MEI1: variants seen among roughly 807,000 people sequenced by gnomAD.
MEI1 encodes meiosis inhibitor protein 1.
MEI1 carries 103 observed loss-of-function variants against 146.2 expected under a neutral mutation model. The observed-to-expected ratio is 0.70, with a 90% CI of 0.60 to 0.83. The LOEUF (loss-of-function observed/expected upper bound fraction) is 0.83. Among genes scored for constraint, MEI1 ranks in the 40% least tolerant of loss-of-function variants. The probability of loss-of-function intolerance (pLI) is 0.00; values close to 1 mark genes in which losing one functional copy is unlikely to be tolerated. For synonymous variants in MEI1, 652 were observed against 628.2 expected (o/e 1.04, Z -0.57); for missense variants, 1,529 against 1,533.0 (o/e 1.00, Z 0.04).
chr22:41,703,007 C>T (rs752703100), intron 1 of MEI1, among the ~76,000 whole-genome samples: 12 of 152,160 alleles, frequency 7.9e-5, no homozygotes, highest in Non-Finnish European at 1.6e-4. Context: ...TGTGAATCAC[C>T]GGGCCCGGCC....
intron 17 of MEI1, among the ~76,000 whole-genome samples, chr22:41,757,312 T>A (rs1306701423): frequency 6.6e-6 from 1 of 152,066 alleles, no homozygotes; most frequent in Admixed American, 6.6e-5. Flanking sequence ...GCCAGGATGG[T>A]CTTGATCTCG....
At chr22:41,777,251 G>C (rs2075492920) in intron 21 of MEI1, among the ~76,000 whole-genome samples, 1 of 151,806 alleles carries the variant, frequency 6.6e-6, no homozygotes, top group Non-Finnish European at 1.5e-5. Flanking sequence ...CACGTCCTGG[G>C]TTCAAGTGAT....
At chr22:41,738,675 G>A (rs1178551057) in intron 11 of MEI1, among the ~76,000 whole-genome samples, 2 of 151,516 alleles carry the variant, frequency 1.3e-5, no homozygotes, top group African/African-American at 4.9e-5. Context: ...GCGAGGCTGA[G>A]GCAGGAGAGT....
At chr22:41,759,174 G>A (rs952832502) in intron 18 of MEI1, among the ~76,000 whole-genome samples, 2 of 151,728 alleles carry the variant, frequency 1.3e-5, no homozygotes, top group Admixed American at 6.6e-5. Context: ...AAAAATAAAA[G>A]GGCTGTTCTT....
At chr22:41,735,235 T>C (rs1037952576) in intron 11 of MEI1, among the ~76,000 whole-genome samples, 1 of 148,680 alleles carries the variant, frequency 6.7e-6, no homozygotes, top group Non-Finnish European at 1.5e-5. Context: ...GTGTTTTTTT[T>C]TTTTTTTTTT....
intron 18 of MEI1, among the ~76,000 whole-genome samples, chr22:41,761,559 C>A (rs1012153435): frequency 6.6e-6 from 1 of 152,022 alleles, no homozygotes; most frequent in African/African-American, 2.4e-5. Context: ...CGTGATCTGC[C>A]CGCCTCGGCC....
rs369088821 is a variant in MEI1 at position 41,761,319 on chromosome 22, GTT to G, written c.2121-1843_2121-1842del. 2.8e-4 allele frequency among the ~76,000 whole-genome samples: 34 copies of G among 120,958 alleles called. No individual in the cohort carries two copies. The East Asian group carries it at 3.4e-3, about 12-fold the overall frequency. 79.4% of individuals were successfully genotyped at this position (120,958 alleles called of 152,430 possible). A position where few individuals can be genotyped will look rare whatever the true frequency, so the allele number is the denominator to read the frequency against. Reference sequence around the variant, plus strand: ...GAGTGAGACTCAGTGTTTTTTTTTTGTTTTTTTTTTTTTGAGACGGAGACTCA... The same window carrying G: ...GAGTGAGACTCAGTGTTTTTTTTTTGTTTTTTTTTTTGAGACGGAGACTCA... On this transcript the variant is annotated intron_variant, in intron 18 of 30. Coordinates refer to ENST00000401548, the MANE Select transcript of MEI1 (RefSeq NM_152513.4).
At chr22:41,751,940 C>T (rs1471672268) in intron 15 of MEI1, among the ~76,000 whole-genome samples, 2 of 151,710 alleles carry the variant, frequency 1.3e-5, no homozygotes, top group Non-Finnish European at 2.9e-5. Context: ...TATGGTGGTG[C>T]GTACCTGTAG....
chr22:41,784,073 A>G (rs750887493), intron 24 of MEI1, among the ~76,000 whole-genome samples: 2 of 152,234 alleles, frequency 1.3e-5, no homozygotes, highest in Non-Finnish European at 2.9e-5. Flanking sequence ...ACCACAGATG[A>G]GGCCAGAGAA....
chr22:41,743,530 G>C (rs2073050406), intron 12 of MEI1, among the ~76,000 whole-genome samples: 1 of 152,186 alleles, frequency 6.6e-6, no homozygotes, highest in Non-Finnish European at 1.5e-5. Flanking sequence ...TAAGCAGATA[G>C]GGTAAACATG....
intron 18 of MEI1, among the ~76,000 whole-genome samples, chr22:41,762,470 G>A (rs1432291454): frequency 2.6e-5 from 4 of 151,646 alleles, no homozygotes; most frequent in Non-Finnish European, 5.9e-5. Context: ...AACCTCCTGG[G>A]CTCCAGCGAT....
intron 7 of MEI1, among the ~76,000 whole-genome samples, chr22:41,726,323 C>T (rs1330351958): frequency 1.3e-5 from 2 of 152,152 alleles, no homozygotes; most frequent in Non-Finnish European, 2.9e-5. Flanking sequence ...AGGTTTCTGA[C>T]TTAGGAATCA....
At chr22:41,715,556 C>T (rs1202012720) in intron 4 of MEI1, among the ~76,000 whole-genome samples, 2 of 151,968 alleles carry the variant, frequency 1.3e-5, no homozygotes, top group African/African-American at 4.8e-5. Flanking sequence ...CCACCACACC[C>T]GGCTAATTTT....
In MEI1 at chr22:41,743,131, G is replaced by A; in HGVS notation, c.1383G>A (p.Leu461=). 6.2e-7 allele frequency: 1 copy of A among 1,613,316 alleles called. No individual in the cohort carries two copies. Among genetic ancestry groups the A allele is most frequent in the Non-Finnish European group, 8.5e-7 (1 of 1,179,780 alleles). ...TGCAGTATGGGGAACTGCAGGCTTT[G>A]CTAGAAGCCATGCTAAACCGATGTG... is the stretch of plus-strand genomic sequence containing the variant. ...PPVQYGELQA[L]LEAMLNRCAE... Residue 461 remains leucine (L), a synonymous_variant, in exon 12 of 31, where the codon TTG becomes TTA. Coordinates refer to ENST00000401548, the MANE Select transcript of MEI1 (RefSeq NM_152513.4).
chr22:41,763,281 T>C lies in MEI1; in HGVS notation c.2228T>C (p.Leu743Pro), dbSNP rs376680903. ...PLVVFKASIY[L>P]LAICQDKDNT... Reference sequence around the variant, plus strand: ...GTGGTCTTCAAAGCCTCCATCTATCTGCTTGCAATCTGCCAGGACAAAGAC... The same window carrying C: ...GTGGTCTTCAAAGCCTCCATCTATCCGCTTGCAATCTGCCAGGACAAAGAC... Residue 743 changes from leucine to proline, a missense_variant, in exon 19 of 31, where the codon CTG becomes CCG. By Grantham distance (98) the Leu-to-Pro change is moderately conservative. Around this residue, in one of 3 missense-constraint regions of MEI1, gnomAD observed 1,212 missense variants for 1,178.9 expected, o/e 1.03. Coordinates refer to ENST00000401548, the MANE Select transcript of MEI1 (RefSeq NM_152513.4). The C allele has an allele frequency of 1.9e-6, 3 of 1,613,882 alleles. No homozygotes were observed. In the African/African-American group the frequency reaches 4.0e-5, roughly 22 times the overall value.
At chr22:41,731,793 G>C (rs2071888468) in intron 9 of MEI1, among the ~76,000 whole-genome samples, 1 of 152,200 alleles carries the variant, frequency 6.6e-6, no homozygotes, top group Non-Finnish European at 1.5e-5. Context: ...CCTCAGAAAA[G>C]GGAGAGAGAT....
intron 1 of MEI1, among the ~76,000 whole-genome samples, chr22:41,702,488 C>A (rs112908907): frequency 0.015 from 2,200 of 149,850 alleles, 66 homozygotes; most frequent in African/African-American, 0.052. Context: ...TTCCTCTTGT[C>A]CAGGCTGTAG....
chr22:41,704,414 CTTT>C (rs563536729), intron 2 of MEI1, among the ~76,000 whole-genome samples: 13 of 137,682 alleles, frequency 9.4e-5, no homozygotes, highest in African/African-American at 3.3e-4. Flanking sequence ...AATTCTTACC[CTTT>C]TTTTTTTTTT....
intron 7 of MEI1, among the ~76,000 whole-genome samples, chr22:41,724,323 T>TA (rs148859707): frequency 6.6e-6 from 1 of 151,916 alleles, no homozygotes; most frequent in Non-Finnish European, 1.5e-5. Flanking sequence ...CCTGTCTCTA[T>TA]AAAAAATACA....
Sources: allele counts gnomAD v4.1 joint callset (sites outside exome capture counted in the v4.1 genomes callset), GRCh38; gene constraint gnomAD v4.1.1; regional missense constraint gnomAD v4.1.1; transcripts MANE v1.5; gene names NCBI Gene and HGNC (gene_info 2026-07-23, HGNC 2026-07-21).